Variants in KAZN observed in about 807,000 individuals in gnomAD.
KAZN encodes the protein kazrin, periplakin interacting protein, also known as kazrin.
Under a neutral mutation model 87.4 loss-of-function variants are expected in KAZN, and 40 were observed. The observed-to-expected ratio is 0.46, with a 90% confidence interval of 0.36 to 0.60. KAZN has a LOEUF of 0.60. Ranked by LOEUF, KAZN falls within the 20% of genes least tolerant of loss-of-function variation. The probability of loss-of-function intolerance (pLI) is 0.00; values close to 1 mark genes in which losing one functional copy is unlikely to be tolerated. For missense variants in KAZN, 898 were observed against 1,073.9 expected (o/e 0.84, Z 2.29); for synonymous variants, 466 against 458.3 (o/e 1.02, Z -0.22).
chr1:14,488,528 G>A (rs1313598899), intron 2 of KAZN, among the ~76,000 whole-genome samples: 3 of 151,524 alleles, frequency 2.0e-5, no homozygotes, highest in African/African-American at 4.9e-5. Flanking sequence ...CTAGAACATG[G>A]GGCTTGTAAT....
At chr1:14,954,465 G>A (rs149553291) in intron 1 of KAZN, among the ~76,000 whole-genome samples, 1 of 152,316 alleles carries the variant, frequency 6.6e-6, no homozygotes, top group Non-Finnish European at 1.5e-5. Context: ...TGGGTCATCA[G>A]CCTGAGCTGT....
intron 2 of KAZN, among the ~76,000 whole-genome samples, chr1:14,480,332 A>G (rs2148389600): frequency 6.6e-6 from 1 of 152,318 alleles, no homozygotes; most frequent in Middle Eastern, 3.4e-3. Context: ...GCCCTGGGCA[A>G]GTTCCTGCCA....
intron 2 of KAZN, among the ~76,000 whole-genome samples, chr1:14,961,284 G>A (rs572282155): frequency 1.3e-5 from 2 of 152,180 alleles, no homozygotes; most frequent in African/African-American, 2.4e-5. Flanking sequence ...TGTCCCATGC[G>A]TCCCTCTTGC....
At chr1:14,750,246 A>G (rs2100486490) in intron 1 of KAZN, among the ~76,000 whole-genome samples, 1 of 121,020 alleles carries the variant, frequency 8.3e-6, no homozygotes, top group Admixed American at 7.7e-5. Context: ...GACAATTTTG[A>G]GACAGTATTC....
chr1:14,386,499 G>A (rs1251452164), intron 2 of KAZN, among the ~76,000 whole-genome samples: 1 of 151,762 alleles, frequency 6.6e-6, no homozygotes, highest in East Asian at 1.9e-4. Flanking sequence ...GCTCTTTTAG[G>A]GCAGGCCTGG....
At chr1:14,668,093 C>A (rs1572178903) in intron 1 of KAZN, among the ~76,000 whole-genome samples, 2 of 152,172 alleles carry the variant, frequency 1.3e-5, no homozygotes, top group Non-Finnish European at 2.9e-5. Flanking sequence ...TGTATGGCCC[C>A]AAAGGGACTC....
intron 2 of KAZN, among the ~76,000 whole-genome samples, chr1:14,328,898 CAG>C (rs1003359351): frequency 3.3e-5 from 5 of 151,836 alleles, no homozygotes; most frequent in Admixed American, 2.6e-4. Context: ...ACATGTCTAA[CAG>C]AAGCATTAGC....
At chr1:14,508,223 A>G (rs918736623) in intron 2 of KAZN, among the ~76,000 whole-genome samples, 5 of 152,186 alleles carry the variant, frequency 3.3e-5, no homozygotes, top group African/African-American at 1.2e-4. Flanking sequence ...CAAAGCCATC[A>G]GGCTGGACTA....
intron 2 of KAZN, among the ~76,000 whole-genome samples, chr1:14,400,324 C>T (rs1374621724): frequency 6.6e-6 from 1 of 152,152 alleles, no homozygotes; most frequent in Non-Finnish European, 1.5e-5. Flanking sequence ...TATGGCACTT[C>T]TCGAATTTTT....
intron 2 of KAZN, among the ~76,000 whole-genome samples, chr1:14,571,395 G>A (rs1466879754): frequency 6.6e-6 from 1 of 152,046 alleles, no homozygotes; most frequent in African/African-American, 2.4e-5. Flanking sequence ...AATCTCTGTC[G>A]TCTGCTCACT....
At chr1:14,238,914 C>T (rs993112175) in intron 2 of KAZN, among the ~76,000 whole-genome samples, 7 of 152,218 alleles carry the variant, frequency 4.6e-5, no homozygotes, top group Non-Finnish European at 8.8e-5. Flanking sequence ...ATGGCAAACA[C>T]GTTCTTGAAG....
intron 1 of KAZN, among the ~76,000 whole-genome samples, chr1:13,976,604 A>T (rs531265097): frequency 6.8e-4 from 104 of 152,164 alleles, no homozygotes; most frequent in African/African-American, 2.3e-3. Context: ...TTAAAGGTTC[A>T]TTAGGCAATT....
At chr1:14,509,579 TAAGAGCA>T (rs1323835096) in intron 2 of KAZN, among the ~76,000 whole-genome samples, 1 of 152,212 alleles carries the variant, frequency 6.6e-6, no homozygotes, top group East Asian at 1.9e-4. Flanking sequence ...AATTTCATTC[TAAGAGCA>T]AAGAGACACA....
At chr1:14,764,069 T>C (rs1275782709) in intron 1 of KAZN, among the ~76,000 whole-genome samples, 1 of 152,202 alleles carries the variant, frequency 6.6e-6, no homozygotes, top group African/African-American at 2.4e-5. Flanking sequence ...TTTAAATTAA[T>C]GTACTTGTTT....
At chr1:14,336,150 A>G (rs542758900) in intron 2 of KAZN, among the ~76,000 whole-genome samples, 1 of 152,364 alleles carries the variant, frequency 6.6e-6, no homozygotes, top group African/African-American at 2.4e-5. Context: ...GAGCAACCAA[A>G]GAATGGAGGC....
intron 8 of KAZN, among the ~76,000 whole-genome samples, chr1:15,082,394 A>G (rs971388635): frequency 1.8e-4 from 28 of 152,220 alleles, no homozygotes; most frequent in African/African-American, 6.3e-4. Context: ...GGAGGTGCCA[A>G]TGTGCTTGAT....
chr1:14,458,517 T>G (rs1197334330), intron 2 of KAZN, among the ~76,000 whole-genome samples: 1 of 152,232 alleles, frequency 6.6e-6, no homozygotes, highest in Non-Finnish European at 1.5e-5. Context: ...CTCGTCTTGT[T>G]CTTGTCTTAG....
At chr1:14,324,541 C>T (rs933264719) in intron 2 of KAZN, among the ~76,000 whole-genome samples, 5 of 152,114 alleles carry the variant, frequency 3.3e-5, no homozygotes, top group Non-Finnish European at 5.9e-5. Flanking sequence ...CTTTCAAAGC[C>T]TTCTTTCTAG....
chr1:14,967,646 T>A (rs1664604739), intron 2 of KAZN, among the ~76,000 whole-genome samples: 1 of 152,164 alleles, frequency 6.6e-6, no homozygotes, highest in African/African-American at 2.4e-5. Context: ...AGAGGAGATG[T>A]GACCGGAGGA....
Sources: gnomAD v4.1 joint callset for allele counts (sites outside exome capture counted in the v4.1 genomes callset) on GRCh38, gnomAD v4.1.1 for gene constraint, MANE v1.5 for transcripts, NCBI Gene and HGNC (gene_info 2026-07-23, HGNC 2026-07-21) for gene names.